AUTS2: variants seen among roughly 807,000 people sequenced by gnomAD.
AUTS2 encodes autism susceptibility gene 2 protein.
Under a neutral mutation model 112.4 loss-of-function variants are expected in AUTS2, and 17 were observed. The observed-to-expected ratio is 0.15, with a 90% CI of 0.10 to 0.23. The LOEUF is 0.23. AUTS2 is among the 10% of genes least tolerant of loss of function. The probability of loss-of-function intolerance (pLI) is 1.00; values close to 1 mark genes in which losing one functional copy is unlikely to be tolerated. For missense variants in AUTS2, 1,510 were observed against 1,701.6 expected (o/e 0.89, Z 1.98); for synonymous variants, 751 against 702.7 (o/e 1.07, Z -1.09).
intron 2 of AUTS2, among the ~76,000 whole-genome samples, chr7:69,947,685 C>A (rs1796871022): frequency 1.3e-5 from 2 of 152,110 alleles, no homozygotes; most frequent in Non-Finnish European, 2.9e-5. Flanking sequence ...TCGCTGGTTG[C>A]CATTTTAAAG....
At chr7:70,297,137 G>T (rs1471622456) in intron 4 of AUTS2, among the ~76,000 whole-genome samples, 1 of 151,118 alleles carries the variant, frequency 6.6e-6, no homozygotes, top group African/African-American at 2.4e-5. Context: ...GATGTAAGCT[G>T]CTATGCTAGG....
chr7:70,566,879 G>A (rs1017872312), intron 5 of AUTS2, among the ~76,000 whole-genome samples: 3 of 152,194 alleles, frequency 2.0e-5, no homozygotes, highest in Admixed American at 1.3e-4. Context: ...GTCTTTCACT[G>A]TCGGTTCTAA....
chr7:69,913,171 T>C (rs1372867495), intron 2 of AUTS2, among the ~76,000 whole-genome samples: 1 of 152,240 alleles, frequency 6.6e-6, no homozygotes, highest in Non-Finnish European at 1.5e-5. Flanking sequence ...TATTCTTTTT[T>C]GACATATTTG....
At chr7:70,714,525 TG>T (rs1384561695) in intron 6 of AUTS2, among the ~76,000 whole-genome samples, 2 of 152,220 alleles carry the variant, frequency 1.3e-5, no homozygotes, top group African/African-American at 2.4e-5. Context: ...TCTCCATGAT[TG>T]TCCCACAAGG....
At chr7:70,062,673 G>A (rs772322993) in intron 2 of AUTS2, among the ~76,000 whole-genome samples, 12 of 152,060 alleles carry the variant, frequency 7.9e-5, no homozygotes, top group Non-Finnish European at 1.6e-4. Context: ...CTCATGTTAC[G>A]CATGTTTCTA....
intron 4 of AUTS2, among the ~76,000 whole-genome samples, chr7:70,231,605 A>G (rs957930618): frequency 1.3e-5 from 2 of 149,564 alleles, no homozygotes; most frequent in East Asian, 2.0e-4. Flanking sequence ...ACCATGTCCA[A>G]CTAATTTTTT....
rs980809441 is a variant in AUTS2, at chr7:69,933,526, T to G, written c.522+34028T>G. 4.6e-5 allele frequency among the ~76,000 whole-genome samples: 7 copies of G among 152,256 alleles called. 1 individual carries two copies. Among genetic ancestry groups the G allele is most frequent in the African/African-American group, 1.7e-4 (7 of 41,474 alleles). On this transcript the variant is annotated intron_variant, in intron 2 of 18. Coordinates refer to ENST00000342771, the MANE Select transcript of AUTS2 (RefSeq NM_015570.4). ...TAGTGTTTATGAATCCAAATAACAT[T>G]CATTAACTTTCTTGGAAGGTCACAG...
chr7:70,409,885 A>G (rs144538170), intron 4 of AUTS2, among the ~76,000 whole-genome samples: 6 of 152,308 alleles, frequency 3.9e-5, no homozygotes, highest in Non-Finnish European at 7.4e-5. Flanking sequence ...TCAAATGCCA[A>G]TTCAACTGGG....
At chr7:69,691,218 G>T (rs1234693730) in intron 1 of AUTS2, among the ~76,000 whole-genome samples, 1 of 152,180 alleles carries the variant, frequency 6.6e-6, no homozygotes, top group Non-Finnish European at 1.5e-5. Flanking sequence ...CTTATTCCAA[G>T]CCACGGACTC....
At chr7:69,951,627 T>G (rs1342969170) in intron 2 of AUTS2, among the ~76,000 whole-genome samples, 1 of 152,088 alleles carries the variant, frequency 6.6e-6, no homozygotes, top group Non-Finnish European at 1.5e-5. Flanking sequence ...ATGAACACTT[T>G]TATGCTTTTT....
At chr7:70,628,801 AG>A (rs1035632369) in intron 5 of AUTS2, among the ~76,000 whole-genome samples, 7 of 152,180 alleles carry the variant, frequency 4.6e-5, no homozygotes, top group African/African-American at 1.7e-4. Flanking sequence ...TGGGATCCTC[AG>A]GATGGGAAAG....
intron 2 of AUTS2, among the ~76,000 whole-genome samples, chr7:70,106,269 C>A (rs1056784289): frequency 2.6e-5 from 4 of 152,172 alleles, no homozygotes; most frequent in Non-Finnish European, 4.4e-5. Context: ...TGACACAGGA[C>A]AATGTAGGGT....
intron 5 of AUTS2, among the ~76,000 whole-genome samples, chr7:70,584,717 T>C (rs1415876444): frequency 6.6e-6 from 1 of 152,226 alleles, no homozygotes; most frequent in Non-Finnish European, 1.5e-5. Context: ...AGGCCCCTGT[T>C]CCAGGGAGGC....
intron 1 of AUTS2, among the ~76,000 whole-genome samples, chr7:69,869,794 C>T (rs1044846505): frequency 6.6e-6 from 1 of 152,088 alleles, no homozygotes. Context: ...TACTTGTTAA[C>T]CAAATATATG....
chr7:69,717,520 A>G lies in AUTS2; in HGVS notation c.309+117558A>G, dbSNP rs543853442. Among the ~76,000 whole-genome samples, 8 of 152,344 alleles carry G rather than the reference A, an allele frequency of 5.3e-5. No individual in the cohort carries two copies. The East Asian group carries it at 1.3e-3, about 26-fold the overall frequency. Reference sequence around the variant, plus strand: ...ACCATAACTCTTAGGGGAAATGAGGACAGAAAAGTTGAACAGCACTGTGTG... The same window carrying G: ...ACCATAACTCTTAGGGGAAATGAGGGCAGAAAAGTTGAACAGCACTGTGTG... On this transcript the variant is annotated intron_variant, in intron 1 of 18. Transcript: ENST00000342771.
intron 2 of AUTS2, among the ~76,000 whole-genome samples, chr7:70,027,992 G>C (rs1048269320): frequency 2.0e-5 from 3 of 152,096 alleles, no homozygotes; most frequent in Non-Finnish European, 4.4e-5. Context: ...GTCCTTTTGT[G>C]GCTTGATCTT....
intron 4 of AUTS2, among the ~76,000 whole-genome samples, chr7:70,143,859 T>C (rs1322181571): frequency 6.6e-6 from 1 of 152,212 alleles, no homozygotes; most frequent in Non-Finnish European, 1.5e-5. Context: ...TAGTGGCCTC[T>C]GATTTTAAGG....
In AUTS2 at chr7:70,781,527, G is replaced by A. The variant is rs754611177; in HGVS notation, c.2005-88G>A. On this transcript the variant is annotated intron_variant, in intron 14 of 18. Transcript: ENST00000342771. ...TTGTAAACTTGAACCCAAGTGCACC[G>A]TTCACAGTCTCCAGCTCCAGCTCTT... The A allele has an allele frequency of 2.5e-5, 37 of 1,502,528 alleles. 1 individual carries two copies. The highest frequency in any genetic ancestry group is 1.4e-4 in the South Asian group (11 of 77,994). 93.1% of individuals were successfully genotyped at this position (1,502,528 alleles called of 1,614,324 possible).
intron 4 of AUTS2, among the ~76,000 whole-genome samples, chr7:70,264,785 G>A (rs1217587241): frequency 1.3e-5 from 2 of 152,172 alleles, no homozygotes; most frequent in East Asian, 3.9e-4. Flanking sequence ...AGAGAATGAA[G>A]CATCAGAAGG....
Sources: gnomAD v4.1 joint callset for allele counts (sites outside exome capture counted in the v4.1 genomes callset) on GRCh38, gnomAD v4.1.1 for gene constraint, MANE v1.5 for transcripts, NCBI Gene and HGNC (gene_info 2026-07-23, HGNC 2026-07-21) for gene names.